The following OAF variants were observed in gnomAD, a reference collection of about 807,000 sequenced individuals.
OAF encodes out at first homolog.
OAF carries 13 observed loss-of-function variants against 22.5 expected under a neutral mutation model. The ratio of observed to expected loss-of-function variants is 0.58; its 90% confidence interval spans 0.38 to 0.92. OAF has a LOEUF of 0.92. Ranked by LOEUF, OAF falls within the 40% of genes least tolerant of loss-of-function variation. OAF has a pLI of 0.00. For missense variants in OAF, 347 were observed against 381.8 expected (o/e 0.91, Z 0.76); for synonymous variants, 175 against 170.5 (o/e 1.03, Z -0.21).
At chr11:120,217,991 G>A (rs1054456813) in intron 1 of OAF, among the ~76,000 whole-genome samples, 3 of 152,212 alleles carry the variant, frequency 2.0e-5, no homozygotes, top group Non-Finnish European at 2.9e-5. Flanking sequence ...CTGGGAGTGC[G>A]GGTGAGAGGG....
intron 1 of OAF, among the ~76,000 whole-genome samples, chr11:120,215,189 A>T (rs561562551): frequency 1.3e-5 from 2 of 152,268 alleles, no homozygotes; most frequent in Admixed American, 6.5e-5. Flanking sequence ...ACTAAAAAAT[A>T]AAAAATAAAA....
chr11:120,229,720 C>G lies in OAF; in HGVS notation c.*578C>G, dbSNP rs1375957042. The G allele has an allele frequency of 6.5e-6, 1 of 154,016 alleles. No individual in the cohort carries two copies. The highest frequency in any genetic ancestry group is 1.5e-5 in the Non-Finnish European group (1 of 68,942). 9.5% of individuals were successfully genotyped at this position (154,016 alleles called of 1,614,324 possible). On this transcript the variant is annotated 3_prime_UTR_variant, in exon 4 of 4. Transcript: ENST00000328965. Reference sequence around the variant, plus strand: ...GGCTGCCTGTGGGGCGAGTGGAGACCTCCCATCACTGAGACAGATCACAGA... The same window carrying G: ...GGCTGCCTGTGGGGCGAGTGGAGACGTCCCATCACTGAGACAGATCACAGA...
chr11:120,225,693 G>A lies in OAF; in HGVS notation c.264G>A (p.Gly88=), dbSNP rs764095311. 30 of 1,602,564 alleles carry A rather than the reference G, an allele frequency of 1.9e-5. No individual in the cohort carries two copies. The highest frequency in any genetic ancestry group is 2.3e-5 in the East Asian group (1 of 43,254). Residue 88 remains glycine, a synonymous_variant, in exon 2 of 4, where the codon GGG becomes GGA. Transcript: ENST00000328965. ...AGGTCTTCCGGGCCCTGATCCTGGG[G>A]GAGCTGGAGAAGGGGCAGAGTCAGT... ...DVKVFRALIL[G]ELEKGQSQFQ...
Position 120,211,501 on chromosome 11 carries a change from C to A in OAF, c.222C>A (p.Asp74Glu). ...GCACCCTCGTCTCCTTCACCGCCGACTTCAAGAAGGTGAGGCGCCCTCACT... is the reference window on the plus strand; with the variant it reads ...GCACCCTCGTCTCCTTCACCGCCGAATTCAAGAAGGTGAGGCGCCCTCACT... ...PDGTLVSFTA[D>E]FKKDVKVFRA... The change falls in exon 1 of 4, where the codon GAC becomes GAA. Residue 74 changes from aspartate (D) to glutamate (E), a missense_variant. Physicochemically the swap from Asp to Glu is conservative, Grantham distance 45. Transcript: ENST00000328965. The A allele has an allele frequency of 6.8e-7, 1 of 1,462,580 alleles. No homozygotes were observed. The highest frequency in any genetic ancestry group is 1.4e-5 in the South Asian group (1 of 71,162). 90.6% of individuals were successfully genotyped at this position (1,462,580 alleles called of 1,614,324 possible). A position where few individuals can be genotyped will look rare whatever the true frequency, so the allele number is the denominator to read the frequency against.
At chr11:120,220,914 G>A (rs188877826) in intron 1 of OAF, among the ~76,000 whole-genome samples, 65 of 152,320 alleles carry the variant, frequency 4.3e-4, no homozygotes, top group Admixed American at 1.7e-3. Context: ...TCGGGTGATA[G>A]TAGCATGGAG....
rs1390131660 is a variant in OAF at position 120,228,518 on chromosome 11, G to A, written c.548-350G>A. ...GTCTAGTGGAGGCCTTGAAACCTTG[G>A]CCAGATCATTAAACTCTGGGTCGAT... On this transcript the variant is annotated intron_variant, in intron 3 of 3. Coordinates refer to ENST00000328965, the MANE Select transcript of OAF (RefSeq NM_178507.4). Among the ~76,000 whole-genome samples, 5 of 152,110 alleles carry A rather than the reference G, an allele frequency of 3.3e-5. No homozygotes were observed. In the East Asian group the frequency reaches 7.7e-4, roughly 23 times the overall value.
intron 1 of OAF, among the ~76,000 whole-genome samples, chr11:120,224,721 A>C (rs1173032076): frequency 3.3e-5 from 5 of 152,346 alleles, no homozygotes. Flanking sequence ...CACTGAGGTC[A>C]GGGTGCCTCC....
chr11:120,220,802 G>A (rs566012469), intron 1 of OAF, among the ~76,000 whole-genome samples: 14 of 152,344 alleles, frequency 9.2e-5, no homozygotes, highest in African/African-American at 3.4e-4. Flanking sequence ...TTCAGTGCAT[G>A]GGAAGTGCAA....
chr11:120,228,829 TCCC>T, intron 3 of OAF, 36 bp from the exon 4 acceptor site: 1 of 347,944 alleles, frequency 2.9e-6, no homozygotes, highest in South Asian at 2.2e-5. Flanking sequence ...CTTCCCTCCC[TCCC>T]TCCCTCCCTC....
intron 1 of OAF, among the ~76,000 whole-genome samples, chr11:120,211,849 T>C (rs1938153470): frequency 6.6e-6 from 1 of 152,218 alleles, no homozygotes; most frequent in Non-Finnish European, 1.5e-5. Flanking sequence ...CGAAGTGTTC[T>C]CGCTGTGGGC....
intron 1 of OAF, among the ~76,000 whole-genome samples, chr11:120,224,000 TAG>T (rs1938319420): frequency 6.6e-6 from 1 of 152,198 alleles, no homozygotes; most frequent in African/African-American, 2.4e-5. Flanking sequence ...GAAGATCAGA[TAG>T]CCCAGGCTGG....
chr11:120,229,100 G>C lies in OAF; in HGVS notation c.780G>C (p.Gln260His), dbSNP rs745514310. 2.5e-6 allele frequency: 4 copies of C among 1,613,496 alleles called. No individual in the cohort carries two copies. The highest frequency in any genetic ancestry group is 1.3e-5 in the African/African-American group (1 of 74,938). The change falls in exon 4 of 4, where the codon CAG (glutamine) becomes CAC (histidine). Residue 260 changes from glutamine to histidine, a missense_variant. Gln to His is a conservative substitution (Grantham distance 24). Coordinates refer to ENST00000328965, the MANE Select transcript of OAF (RefSeq NM_178507.4). The part of the protein sequence containing the change: ...KSYSFDFYVP[Q>H]RQLCLWDEDP... Reference sequence around the variant, plus strand: ...ACAGCTTCGACTTCTACGTGCCCCAGAGGCAGCTGTGTCTCTGGGATGAGG... The same window carrying C: ...ACAGCTTCGACTTCTACGTGCCCCACAGGCAGCTGTGTCTCTGGGATGAGG...
At chr11:120,219,027 G>A (rs556239822) in intron 1 of OAF, among the ~76,000 whole-genome samples, 25 of 152,218 alleles carry the variant, frequency 1.6e-4, no homozygotes, top group African/African-American at 4.1e-4. Context: ...AAGTGGCATC[G>A]GGAGGAGGCG....
intron 1 of OAF, among the ~76,000 whole-genome samples, chr11:120,221,751 C>T (rs1938282282): frequency 6.6e-6 from 1 of 152,182 alleles, no homozygotes. Context: ...AACACTATTT[C>T]CCCAGGGTAC....
intron 1 of OAF, among the ~76,000 whole-genome samples, chr11:120,225,404 A>G (rs1359777889): frequency 6.6e-6 from 1 of 152,146 alleles, no homozygotes; most frequent in African/African-American, 2.4e-5. Context: ...TTCTGCCGAG[A>G]GGAATCATCA....
intron 3 of OAF, among the ~76,000 whole-genome samples, chr11:120,227,419 G>T: frequency 6.6e-6 from 1 of 152,156 alleles, no homozygotes. Flanking sequence ...GCTAGGCCCT[G>T]TGGAGGGAGA....
intron 1 of OAF, among the ~76,000 whole-genome samples, chr11:120,222,534 TGACGGAATAA>T (rs1938293122): frequency 7.0e-6 from 1 of 143,656 alleles, no homozygotes; most frequent in African/African-American, 2.6e-5. Flanking sequence ...CCAGCCTGGG[TGACGGAATAA>T]GACTCGGTCT....
chr11:120,219,120 G>C (rs1392548023), intron 1 of OAF, among the ~76,000 whole-genome samples: 1 of 151,664 alleles, frequency 6.6e-6, no homozygotes, highest in Admixed American at 6.6e-5. Flanking sequence ...CACAGGGGGG[G>C]TGGGCGTGGG....
At chr11:120,222,071 C>CT (rs779066560) in intron 1 of OAF, among the ~76,000 whole-genome samples, 1 of 152,168 alleles carries the variant, frequency 6.6e-6, no homozygotes, top group South Asian at 2.1e-4. Context: ...TCTGAGGGGA[C>CT]TTTCACCCTT....
Sources: gnomAD v4.1 joint callset for allele counts (sites outside exome capture counted in the v4.1 genomes callset) on GRCh38, gnomAD v4.1.1 for gene constraint, MANE v1.5 for transcripts, NCBI Gene and HGNC (gene_info 2026-07-23, HGNC 2026-07-21) for gene names.